The following NLGN1 variants were observed in gnomAD, a reference collection of about 807,000 sequenced individuals.
NLGN1 encodes the protein neuroligin 1, also known as neuroligin-1.
Under a neutral mutation model 65.5 loss-of-function variants are expected in NLGN1, and 12 were observed. The ratio of observed to expected loss-of-function variants is 0.18; its 90% confidence interval spans 0.12 to 0.30. The LOEUF (loss-of-function observed/expected upper bound fraction) is 0.30. Ranked by LOEUF, NLGN1 falls within the 10% of genes least tolerant of loss-of-function variation. The pLI is 1.00. For synonymous variants in NLGN1, 350 were observed against 359.5 expected, an observed-to-expected ratio of 0.97 and a Z score of 0.30; for missense variants, 750 against 1,007.1, an observed-to-expected ratio of 0.74 and a Z score of 3.46.
intron 3 of NLGN1, among the ~76,000 whole-genome samples, chr3:173,788,017 T>G (rs1202692631): frequency 6.6e-6 from 1 of 152,118 alleles, no homozygotes; most frequent in Admixed American, 6.5e-5. Flanking sequence ...CAGAATCTCT[T>G]TCTTATTTTC....
At chr3:173,400,176 A>G (rs1717397823) in intron 1 of NLGN1, among the ~76,000 whole-genome samples, 1 of 152,208 alleles carries the variant, frequency 6.6e-6, no homozygotes, top group South Asian at 2.1e-4. Flanking sequence ...GATTGTCAAT[A>G]GGAAGATATG....
At chr3:174,146,470 A>G (rs1284693870) in intron 4 of NLGN1, among the ~76,000 whole-genome samples, 2 of 152,224 alleles carry the variant, frequency 1.3e-5, no homozygotes, top group African/African-American at 4.8e-5. Flanking sequence ...GTTAATGATC[A>G]GCAAACGTGT....
At chr3:173,743,119 C>G (rs1031515253) in intron 3 of NLGN1, among the ~76,000 whole-genome samples, 1 of 152,130 alleles carries the variant, frequency 6.6e-6, no homozygotes, top group African/African-American at 2.4e-5. Context: ...AGACCTTTCT[C>G]TTGATGGAAG....
intron 2 of NLGN1, among the ~76,000 whole-genome samples, chr3:173,437,945 T>A (rs1718438661): frequency 2.0e-5 from 3 of 152,270 alleles, no homozygotes; most frequent in African/African-American, 7.2e-5. Flanking sequence ...TTTACTGGTC[T>A]TTTTCTTTCA....
At chr3:174,035,970 A>T (rs1731058236) in intron 4 of NLGN1, among the ~76,000 whole-genome samples, 1 of 152,098 alleles carries the variant, frequency 6.6e-6, no homozygotes, top group South Asian at 2.1e-4. Flanking sequence ...AAAATAGACA[A>T]TATATTACTT....
chr3:173,830,846 T>C (rs564902975), intron 4 of NLGN1, among the ~76,000 whole-genome samples: 1 of 152,294 alleles, frequency 6.6e-6, no homozygotes, highest in South Asian at 2.1e-4. Flanking sequence ...GAATAACTAG[T>C]CCATGTTTAC....
intron 4 of NLGN1, among the ~76,000 whole-genome samples, chr3:174,159,043 G>T (rs1726009494): frequency 6.6e-6 from 1 of 151,638 alleles, no homozygotes; most frequent in African/African-American, 2.4e-5. Flanking sequence ...TATTAGAGAA[G>T]AATTCTTTAC....
intron 3 of NLGN1, among the ~76,000 whole-genome samples, chr3:173,744,307 C>T (rs1295105912): frequency 6.6e-6 from 1 of 152,118 alleles, no homozygotes; most frequent in Non-Finnish European, 1.5e-5. Flanking sequence ...TTTTCTTCCT[C>T]TTCCTTTACA....
chr3:173,731,249 C>T (rs1360505973), intron 3 of NLGN1, among the ~76,000 whole-genome samples: 1 of 151,992 alleles, frequency 6.6e-6, no homozygotes, highest in Admixed American at 6.6e-5. Flanking sequence ...AAGTTGTATA[C>T]ATTTGTTAAT....
At chr3:173,934,852 C>G (rs927205958) in intron 4 of NLGN1, among the ~76,000 whole-genome samples, 7 of 151,844 alleles carry the variant, frequency 4.6e-5, no homozygotes, top group South Asian at 2.1e-4. Context: ...TTTAAAAACC[C>G]GATAATATCT....
intron 4 of NLGN1, among the ~76,000 whole-genome samples, chr3:174,060,558 A>G (rs1415892141): frequency 6.6e-6 from 1 of 152,076 alleles, no homozygotes; most frequent in Non-Finnish European, 1.5e-5. Flanking sequence ...ATCAGAATCA[A>G]GCTCTCCCTA....
chr3:173,738,725 C>G (rs1238097418), intron 3 of NLGN1, among the ~76,000 whole-genome samples: 1 of 151,926 alleles, frequency 6.6e-6, no homozygotes, highest in Non-Finnish European at 1.5e-5. Flanking sequence ...AATTTTGGGT[C>G]CCTTGAATGT....
chr3:173,826,067 GTGTC>G (rs1244547441), intron 4 of NLGN1, among the ~76,000 whole-genome samples: 1 of 152,062 alleles, frequency 6.6e-6, no homozygotes, highest in Non-Finnish European at 1.5e-5. Flanking sequence ...CTGTGTGTGT[GTGTC>G]TGTATGTGTA....
At position 174,048,662 on chromosome 3, in the gene NLGN1, A is replaced by G. The variant is rs149939283; in HGVS notation, c.647-226653A>G. On this transcript the variant is annotated intron_variant, in intron 4 of 6. Coordinates refer to ENST00000457714, the Ensembl canonical transcript of NLGN1. ...AGAATGACAGAAGTAAGAGTCACGA[A>G]ATGAAAGAGGAGCCAACAAGGTGAC... Among the ~76,000 whole-genome samples the G allele has an allele frequency of 6.3e-3, 958 of 152,182 alleles. 23 individuals are homozygous for G. The highest frequency in any genetic ancestry group is 0.039 in the East Asian group (201 of 5,176).
chr3:174,253,844 T>C (rs953400045), intron 4 of NLGN1, among the ~76,000 whole-genome samples: 1 of 152,166 alleles, frequency 6.6e-6, no homozygotes, highest in African/African-American at 2.4e-5. Context: ...CTAGGAAAAC[T>C]TTTGAAAAAT....
chr3:174,089,338 T>G (rs1744065295), intron 4 of NLGN1, among the ~76,000 whole-genome samples: 1 of 152,168 alleles, frequency 6.6e-6, no homozygotes, highest in African/African-American at 2.4e-5. Flanking sequence ...ACGTGGTTCT[T>G]CCGCTAGCCT....
chr3:174,035,970 A>G (rs1731058236), intron 4 of NLGN1, among the ~76,000 whole-genome samples: 1 of 152,098 alleles, frequency 6.6e-6, no homozygotes, highest in African/African-American at 2.4e-5. Flanking sequence ...AAAATAGACA[A>G]TATATTACTT....
intron 4 of NLGN1, among the ~76,000 whole-genome samples, chr3:174,087,149 C>G (rs1235842933): frequency 1.3e-5 from 2 of 151,870 alleles, no homozygotes; most frequent in Admixed American, 1.3e-4. Context: ...GGGAGATAAT[C>G]AGAAAAAATA....
At chr3:173,751,068 G>A (rs1374910137) in intron 3 of NLGN1, among the ~76,000 whole-genome samples, 1 of 152,074 alleles carries the variant, frequency 6.6e-6, no homozygotes, top group African/African-American at 2.4e-5. Context: ...TTAGCCATGT[G>A]ACAAATGTGT....
Sources: gnomAD v4.1 joint callset for allele counts (sites outside exome capture counted in the v4.1 genomes callset) on GRCh38, gnomAD v4.1.1 for gene constraint, MANE v1.5 for transcripts, NCBI Gene and HGNC (gene_info 2026-07-23, HGNC 2026-07-21) for gene names.